FANCI: variants seen among roughly 807,000 people sequenced by gnomAD.
FANCI encodes Fanconi anemia group I protein.
In FANCI, 156 loss-of-function variants were observed where a neutral mutation model predicts 176.1. The observed-to-expected ratio is 0.89, with a 90% CI of 0.78 to 1.01. The LOEUF (loss-of-function observed/expected upper bound fraction) is 1.01, where lower values mean the gene tolerates loss of function less well. Among genes scored for constraint, FANCI ranks in the 50% least tolerant of loss-of-function variants. The probability of loss-of-function intolerance (pLI) is 0.00; values close to 1 mark genes in which losing one functional copy is unlikely to be tolerated. For synonymous variants in FANCI, 613 were observed against 541.7 expected (o/e 1.13, Z -1.83); for missense variants, 1,678 against 1,534.1 (o/e 1.09, Z -1.57).
intron 1 of FANCI, among the ~76,000 whole-genome samples, chr15:89,246,960 G>T (rs2052012426): frequency 6.6e-6 from 1 of 151,350 alleles, no homozygotes; most frequent in African/African-American, 2.4e-5. Flanking sequence ...GGTAGAGACG[G>T]GGGTTTCACC....
intron 34 of FANCI, among the ~76,000 whole-genome samples, chr15:89,310,618 G>C (rs764654623): frequency 6.6e-6 from 1 of 152,218 alleles, no homozygotes; most frequent in East Asian, 1.9e-4. Context: ...TATTTAATGA[G>C]TGCCCCCTGG....
In FANCI at chr15:89,261,715, A is replaced by T; in HGVS notation, c.419A>T (p.Lys140Ile). Reference sequence around the variant, plus strand: ...ATCATTCTCACTGCCCTGGCTACGAAAAAGGAAAATCTGGCTTATGGAAAA... The same window carrying T: ...ATCATTCTCACTGCCCTGGCTACGATAAAGGAAAATCTGGCTTATGGAAAA... The part of the protein sequence containing the change: ...LPIILTALAT[K>I]KENLAYGKGV... Residue 140 changes from lysine to isoleucine, a missense_variant, in exon 5 of 38, where the codon AAA becomes ATA. This residue lies in a region of FANCI where 469 missense variants were observed against 436.9 expected (regional missense o/e 1.07). Transcript: ENST00000310775. 1.2e-6 allele frequency: 2 copies of T among 1,614,152 alleles called. No individual in the cohort carries two copies. Among genetic ancestry groups the T allele is most frequent in the Non-Finnish European group, 1.7e-6 (2 of 1,180,010 alleles).
At chr15:89,262,223 G>A (rs185152855) in intron 6 of FANCI, among the ~76,000 whole-genome samples, 2 of 152,042 alleles carry the variant, frequency 1.3e-5, no homozygotes, top group Admixed American at 6.6e-5. Flanking sequence ...AAGTCACCCT[G>A]CTGCTGCATC....
chr15:89,272,726 G>C (rs1268549006), intron 10 of FANCI, among the ~76,000 whole-genome samples: 1 of 152,010 alleles, frequency 6.6e-6, no homozygotes, highest in Non-Finnish European at 1.5e-5. Flanking sequence ...GGGGGATGCA[G>C]TGGCGCAATC....
rs563322732 is a variant in FANCI, at chr15:89,311,718, T to C, written c.3652-1186T>C. ...GTTCCTTATTTTCCAGAACGTGGCA[T>C]GTGGAACAAGTCTCCTGTTTCTCTC... On this transcript the variant is annotated intron_variant, in intron 34 of 37. Transcript: ENST00000310775. 1.2e-3 allele frequency among the ~76,000 whole-genome samples: 186 copies of C among 152,354 alleles called. 3 individuals carry two copies. The highest frequency in any genetic ancestry group is 6.8e-3 in the Middle Eastern group (2 of 294).
In FANCI at chr15:89,299,965, G is replaced by T; in HGVS notation, c.2802G>T (p.Leu934=). The change falls in exon 25 of 38, where the codon CTG becomes CTT. Residue 934 remains leucine (L), a splice_region_variant and synonymous_variant. Transcript: ENST00000310775. ...QPKIQQFLRA[L]DVTDKEGEER... Reference sequence around the variant, plus strand: ...AGATTCAGCAGTTTCTCAGAGCTCTGGGTAAGCATTGCAGTATCAATAAAT... The same window carrying T: ...AGATTCAGCAGTTTCTCAGAGCTCTTGGTAAGCATTGCAGTATCAATAAAT... 6.2e-7 allele frequency: 1 copy of T among 1,613,784 alleles called. No homozygotes were observed. Among genetic ancestry groups the T allele is most frequent in the Non-Finnish European group, 8.5e-7 (1 of 1,179,866 alleles).
At chr15:89,280,484 C>T (rs1474017878) in intron 14 of FANCI, among the ~76,000 whole-genome samples, 3 of 152,168 alleles carry the variant, frequency 2.0e-5, no homozygotes, top group African/African-American at 7.2e-5. Flanking sequence ...TTTCTCATAC[C>T]TTTACTCATA....
At chr15:89,314,769 T>C (rs1017229296) in intron 36 of FANCI, 62 bp downstream of exon 36, 38 of 1,222,764 alleles carry the variant, frequency 3.1e-5, no homozygotes, top group Non-Finnish European at 4.4e-5. Context: ...TCTGGCAAAC[T>C]GAAGCAGCAC....
At chr15:89,250,714 A>T (rs116275649) in intron 2 of FANCI, among the ~76,000 whole-genome samples, 3,487 of 150,022 alleles carry the variant, frequency 0.023, 130 homozygotes, top group African/African-American at 0.08. Flanking sequence ...TATATATATA[A>T]AAATAAAAAA....
At chr15:89,264,754 A>G in intron 9 of FANCI, 147 bp downstream of exon 9, 1 of 638,566 alleles carries the variant, frequency 1.6e-6, no homozygotes, top group South Asian at 1.6e-5. Flanking sequence ...ACTCAGTAAT[A>G]AAGAGAATAA....
intron 14 of FANCI, among the ~76,000 whole-genome samples, chr15:89,280,508 A>T (rs2053574513): frequency 6.6e-6 from 1 of 152,110 alleles, no homozygotes; most frequent in Non-Finnish European, 1.5e-5. Context: ...TTCCCTTTAT[A>T]TATGTAGGCC....
chr15:89,315,863 C>T (rs975532071), intron 37 of FANCI, among the ~76,000 whole-genome samples: 8 of 152,230 alleles, frequency 5.3e-5, no homozygotes, highest in Non-Finnish European at 1.0e-4. Flanking sequence ...ATCCCCATCC[C>T]TGCACCACCT....
At chr15:89,307,454 T>C in intron 32 of FANCI, 22 bp from the exon 33 acceptor site, 1 of 1,610,276 alleles carries the variant, frequency 6.2e-7, no homozygotes, top group Non-Finnish European at 8.5e-7. Flanking sequence ...GTCTACTAAA[T>C]CTAGGAATCT....
intron 20 of FANCI, 55 bp downstream of exon 20, chr15:89,291,769 A>C (rs2054079499): frequency 7.1e-7 from 1 of 1,412,050 alleles, no homozygotes; most frequent in South Asian, 1.2e-5. Flanking sequence ...GATAGGGTTG[A>C]ACTTTGCAAA....
chr15:89,297,259 C>T (rs1311288766), intron 24 of FANCI, among the ~76,000 whole-genome samples: 2 of 151,544 alleles, frequency 1.3e-5, no homozygotes, highest in Middle Eastern at 3.4e-3. Context: ...CAGAGACGCT[C>T]CTCACTTCCC....
intron 2 of FANCI, among the ~76,000 whole-genome samples, chr15:89,256,781 G>C (rs2052513100): frequency 6.6e-6 from 1 of 152,170 alleles, no homozygotes; most frequent in African/African-American, 2.4e-5. Flanking sequence ...TGGAAATTTA[G>C]TAAGCTCTCA....
intron 1 of FANCI, among the ~76,000 whole-genome samples, chr15:89,245,470 T>G (rs1023687748): frequency 1.3e-5 from 2 of 148,748 alleles, no homozygotes; most frequent in African/African-American, 4.9e-5. Context: ...GTGCTGAGAT[T>G]ACAGGCGTGA....
At chr15:89,308,832 G>C (rs1319455445) in intron 34 of FANCI, among the ~76,000 whole-genome samples, 1 of 152,094 alleles carries the variant, frequency 6.6e-6, no homozygotes, top group African/African-American at 2.4e-5. Context: ...TGTAATCCCA[G>C]CTACTTGGGA....
chr15:89,305,417 T>C lies in FANCI; in HGVS notation c.3255+8T>C, dbSNP rs200754997. 2.5e-6 allele frequency: 4 copies of C among 1,613,348 alleles called. No individual in the cohort carries two copies. In the East Asian group the frequency reaches 8.9e-5, roughly 36 times the overall value. ...GCTGCCCCCACTGTCTGTGTAAGTG[T>C]TGTACCTGAGCCATGGGGAATAGCT... On this transcript the variant is annotated splice_region_variant and intron_variant, in intron 30 of 37. Coordinates refer to ENST00000310775, the MANE Select transcript of FANCI (RefSeq NM_001113378.2).
Sources: gnomAD v4.1 joint callset for allele counts (sites outside exome capture counted in the v4.1 genomes callset) on GRCh38, gnomAD v4.1.1 for gene constraint, gnomAD v4.1.1 regional missense constraint, MANE v1.5 for transcripts, NCBI Gene and HGNC (gene_info 2026-07-23, HGNC 2026-07-21) for gene names.